CDH4: variants seen among roughly 807,000 people sequenced by gnomAD.
CDH4 encodes the protein cadherin-4.
A neutral mutation model predicts 86.0 loss-of-function variants in CDH4; 33 were observed. The ratio of observed to expected loss-of-function variants is 0.38; its 90% confidence interval spans 0.29 to 0.51. The LOEUF is 0.51. Among genes scored for constraint, CDH4 ranks in the 20% least tolerant of loss-of-function variants. The pLI, the probability that CDH4 is intolerant of heterozygous loss-of-function variation, is 0.86. For synonymous variants in CDH4, 555 were observed against 549.4 expected (o/e 1.01, Z -0.14); for missense variants, 1,114 against 1,307.4 (o/e 0.85, Z 2.28).
intron 3 of CDH4, among the ~76,000 whole-genome samples, chr20:61,767,535 C>A (rs1404779099): frequency 1.3e-5 from 2 of 152,176 alleles, no homozygotes; most frequent in Non-Finnish European, 2.9e-5. Context: ...GGAGCAGGGC[C>A]TTGGGCGGTG....
chr20:61,932,372 C>G (rs115100798), intron 13 of CDH4, among the ~76,000 whole-genome samples: 1,748 of 152,324 alleles, frequency 0.011, 45 homozygotes, highest in African/African-American at 0.04. Context: ...AGGGCCTGAG[C>G]CAGTGCGGCT....
At chr20:61,529,143 C>T (rs1165034126) in intron 2 of CDH4, among the ~76,000 whole-genome samples, 2 of 152,182 alleles carry the variant, frequency 1.3e-5, no homozygotes, top group Non-Finnish European at 2.9e-5. Context: ...CCAAAGCCAC[C>T]TTTGTAACCT....
intron 6 of CDH4, among the ~76,000 whole-genome samples, chr20:61,867,827 C>T (rs186792049): frequency 5.3e-5 from 8 of 152,270 alleles, no homozygotes; most frequent in East Asian, 3.9e-4. Flanking sequence ...GTCCTTTCCA[C>T]GGGGGAGTGG....
chr20:61,881,671 G>C (rs1298739427), intron 7 of CDH4, among the ~76,000 whole-genome samples: 1 of 152,238 alleles, frequency 6.6e-6, no homozygotes, highest in Non-Finnish European at 1.5e-5. Context: ...AGAGGAGGGG[G>C]CGGCACGTGG....
At chr20:61,797,530 G>T (rs1490614911) in intron 4 of CDH4, among the ~76,000 whole-genome samples, 2 of 152,216 alleles carry the variant, frequency 1.3e-5, no homozygotes, top group Non-Finnish European at 2.9e-5. Context: ...AGTGGCTCAT[G>T]TTGCAATGCC....
chr20:61,833,908 T>G (rs1461155498), intron 4 of CDH4, among the ~76,000 whole-genome samples: 2 of 152,240 alleles, frequency 1.3e-5, no homozygotes, highest in African/African-American at 4.8e-5. Flanking sequence ...CCCCTCCTCT[T>G]CGTCTATGGG....
chr20:61,523,112 G>A (rs1401791307), intron 2 of CDH4, among the ~76,000 whole-genome samples: 1 of 152,230 alleles, frequency 6.6e-6, no homozygotes, highest in Non-Finnish European at 1.5e-5. Flanking sequence ...GAGCTGGCCA[G>A]CACTGTCCAT....
intron 2 of CDH4, among the ~76,000 whole-genome samples, chr20:61,274,039 G>C (rs1216129955): frequency 1.4e-5 from 2 of 146,010 alleles, no homozygotes; most frequent in East Asian, 2.1e-4. Flanking sequence ...GTGCAGTTTG[G>C]GGGAGTACCA....
At chr20:61,491,331 C>T (rs1036410981) in intron 2 of CDH4, among the ~76,000 whole-genome samples, 6 of 152,188 alleles carry the variant, frequency 3.9e-5, no homozygotes, top group African/African-American at 1.4e-4. Context: ...AAGTTCATCA[C>T]CTCCAGCCAA....
chr20:61,716,267 G>C (rs888477318), intron 2 of CDH4, among the ~76,000 whole-genome samples: 1 of 152,154 alleles, frequency 6.6e-6, no homozygotes, highest in African/African-American at 2.4e-5. Context: ...CTCCTTCCCT[G>C]TGAGCCTCCC....
chr20:61,870,295 C>T (rs1450646203), intron 6 of CDH4, among the ~76,000 whole-genome samples: 2 of 152,202 alleles, frequency 1.3e-5, no homozygotes, highest in African/African-American at 2.4e-5. Context: ...GCACAAAAGA[C>T]CCTCGGGCCA....
At position 61,806,569 on chromosome 20, in the gene CDH4, G is replaced by A. The variant is rs533936652; in HGVS notation, c.576+33387G>A. ...CACGCGCACGCACACACATGTCCAC[G>A]CGCACGCACACACACATGCAGTACC... On this transcript the variant is annotated intron_variant, in intron 4 of 15. Transcript: ENST00000614565. 3.8e-3 allele frequency among the ~76,000 whole-genome samples: 434 copies of A among 112,880 alleles called. 14 individuals are homozygous for A. Among genetic ancestry groups the A allele is most frequent in the Admixed American group, 0.033 (399 of 12,026 alleles). The allele number at this position is 112,880 out of a possible 152,430, so 74.1% of individuals were successfully genotyped here. A position where few individuals can be genotyped will look rare whatever the true frequency, so the allele number is the denominator to read the frequency against.
At chr20:61,895,269 G>A (rs1341924119) in intron 8 of CDH4, among the ~76,000 whole-genome samples, 3 of 152,252 alleles carry the variant, frequency 2.0e-5, no homozygotes, top group Non-Finnish European at 4.4e-5. Context: ...GGGGACCGGC[G>A]GCGGAGGTCG....
intron 2 of CDH4, among the ~76,000 whole-genome samples, chr20:61,557,445 G>A (rs2086185853): frequency 6.6e-6 from 1 of 152,220 alleles, no homozygotes; most frequent in Admixed American, 6.5e-5. Context: ...ACAAGATCAT[G>A]CAAAAGCCAA....
At chr20:61,405,837 C>T (rs1460234076) in intron 2 of CDH4, among the ~76,000 whole-genome samples, 1 of 152,100 alleles carries the variant, frequency 6.6e-6, no homozygotes, top group Non-Finnish European at 1.5e-5. Context: ...CCCGCCATCA[C>T]GCCCAGCTAA....
In CDH4 at chr20:61,807,332, C is replaced by T. The variant is rs1568826903; in HGVS notation, c.576+34150C>T. 6.6e-6 allele frequency among the ~76,000 whole-genome samples: 1 copy of T among 152,224 alleles called. No individual in the cohort carries two copies. Among genetic ancestry groups the T allele is most frequent in the Non-Finnish European group, 1.5e-5 (1 of 68,046 alleles). ...AGCCTTGCTGTGGCCCCGCTGGGGT[C>T]TTTGGATCTCAGGAGAGTGGGCGGT... On this transcript the variant is annotated intron_variant, in intron 4 of 15. Coordinates refer to ENST00000614565, the MANE Select transcript of CDH4 (RefSeq NM_001794.5). The surrounding 1 kb of genome is among the most constrained non-coding windows in gnomAD (Gnocchi z 4.5).
intron 2 of CDH4, among the ~76,000 whole-genome samples, chr20:61,521,432 CTCTT>C (rs1447579101): frequency 6.6e-6 from 1 of 152,320 alleles, no homozygotes; most frequent in East Asian, 1.9e-4. Flanking sequence ...AGCCCTGTCT[CTCTT>C]TTGCTGGAAG....
At chr20:61,418,447 A>G (rs1011507601) in intron 2 of CDH4, among the ~76,000 whole-genome samples, 2 of 151,982 alleles carry the variant, frequency 1.3e-5, no homozygotes, top group Non-Finnish European at 2.9e-5. Context: ...TCCTGACCTC[A>G]TGATCTGCCC....
At chr20:61,311,319 CAAT>C (rs1447099061) in intron 2 of CDH4, among the ~76,000 whole-genome samples, 1 of 152,124 alleles carries the variant, frequency 6.6e-6, no homozygotes, top group Non-Finnish European at 1.5e-5. Flanking sequence ...GGATCTGACT[CAAT>C]AAATATTTTA....
Sources: allele counts gnomAD v4.1 joint callset (sites outside exome capture counted in the v4.1 genomes callset), GRCh38; gene constraint gnomAD v4.1.1; non-coding constraint Gnocchi (gnomAD v3.1); transcripts MANE v1.5; gene names NCBI Gene and HGNC (gene_info 2026-07-23, HGNC 2026-07-21).